SHTN1: variants seen among roughly 807,000 people sequenced by gnomAD.
SHTN1 encodes shootin 1, also known as shootin-1.
Under a neutral mutation model 83.1 loss-of-function variants are expected in SHTN1, and 42 were observed. The observed-to-expected ratio is 0.51, with a 90% CI of 0.39 to 0.65. SHTN1 has a LOEUF of 0.65. Among genes scored for constraint, SHTN1 ranks in the 30% least tolerant of loss-of-function variants. The pLI, the probability that SHTN1 is intolerant of heterozygous loss-of-function variation, is 0.00. For missense variants in SHTN1, 622 were observed against 737.8 expected (o/e 0.84, Z 1.82); for synonymous variants, 224 against 247.7 (o/e 0.90, Z 0.90).
chr10:117,092,205 C>G (rs1467856423), intron 1 of SHTN1, among the ~76,000 whole-genome samples: 2 of 152,194 alleles, frequency 1.3e-5, no homozygotes, highest in African/African-American at 2.4e-5. Context: ...GAGATGTTTA[C>G]TGAACTGATT....
intron 2 of SHTN1, among the ~76,000 whole-genome samples, chr10:117,028,509 C>CAG (rs1852361122): frequency 6.6e-6 from 1 of 152,200 alleles, no homozygotes. Context: ...CCTCCCATCA[C>CAG]AGGCACAGAG....
chr10:116,988,758 T>C (rs1851312929), intron 1 of SHTN1, among the ~76,000 whole-genome samples: 1 of 151,966 alleles, frequency 6.6e-6, no homozygotes, highest in East Asian at 1.9e-4. Context: ...CCAAGGCTGG[T>C]TGTACTCGTG....
chr10:116,959,695 T>C (rs2133439785), intron 4 of SHTN1, among the ~76,000 whole-genome samples: 1 of 152,322 alleles, frequency 6.6e-6, no homozygotes, highest in South Asian at 2.1e-4. Context: ...CTCGCTTTGC[T>C]TTCATAAATA....
intron 1 of SHTN1, among the ~76,000 whole-genome samples, chr10:117,078,595 G>T (rs1209483054): frequency 6.6e-6 from 1 of 152,144 alleles, no homozygotes; most frequent in Non-Finnish European, 1.5e-5. Flanking sequence ...TTGATCCATT[G>T]TGTCTTGTCT....
chr10:116,987,567 A>G (rs1851260830), intron 1 of SHTN1, among the ~76,000 whole-genome samples: 1 of 152,114 alleles, frequency 6.6e-6, no homozygotes, highest in South Asian at 2.1e-4. Flanking sequence ...GGCTACATAC[A>G]TATGATTCCA....
At chr10:117,070,711 G>A (rs762023112) in intron 1 of SHTN1, among the ~76,000 whole-genome samples, 20 of 150,794 alleles carry the variant, frequency 1.3e-4, no homozygotes, top group Admixed American at 2.6e-4. Flanking sequence ...GCGGCACCCT[G>A]AGTGGATGCA....
chr10:117,022,107 T>C (rs1005067488), intron 2 of SHTN1, among the ~76,000 whole-genome samples: 2 of 152,156 alleles, frequency 1.3e-5, no homozygotes, highest in African/African-American at 2.4e-5. Flanking sequence ...CTTCTAGATC[T>C]TGGACTCCTG....
At chr10:116,977,341 CT>C (rs1170311992) in intron 2 of SHTN1, among the ~76,000 whole-genome samples, 1 of 152,076 alleles carries the variant, frequency 6.6e-6, no homozygotes, top group African/African-American at 2.4e-5. Context: ...AAGAGTGCTC[CT>C]GAATTAACCC....
intron 3 of SHTN1, 170 bp from the exon 4 acceptor site, chr10:116,960,400 T>C: frequency 2.0e-6 from 1 of 490,108 alleles, no homozygotes; most frequent in Non-Finnish European, 3.6e-6. Flanking sequence ...TCTGAGCTAA[T>C]ATTTGAATGT....
At chr10:117,065,785 G>A (rs185616492) in intron 1 of SHTN1, among the ~76,000 whole-genome samples, 56 of 12,162 alleles carry the variant, frequency 4.6e-3, no homozygotes, top group East Asian at 0.018. Context: ...AGAAAGAAAG[G>A]AAGGAAGGAA....
At position 116,881,839 on chromosome 10, in the gene SHTN1, C is replaced by A; in HGVS notation, c.*4505G>T. The A allele has an allele frequency of 2.0e-6, 1 of 509,134 alleles. No homozygotes were observed. Among genetic ancestry groups the A allele is most frequent in the Non-Finnish European group, 3.1e-6 (1 of 317,666 alleles). The allele number at this position is 509,134 out of a possible 1,614,324, so 31.5% of individuals were successfully genotyped here. A position where few individuals can be genotyped will look rare whatever the true frequency, so the allele number is the denominator to read the frequency against. On this transcript the variant is annotated 3_prime_UTR_variant, in exon 17 of 17. Transcript: ENST00000355371. The stretch of plus-strand genomic sequence containing the variant: ...TAAATTACATATATGATGTTTTTGC[C>A]TGAAATTCTGTGAACTTCGTTTTGC...
At chr10:117,119,298 A>G (rs1009597728) in intron 1 of SHTN1, among the ~76,000 whole-genome samples, 1 of 152,252 alleles carries the variant, frequency 6.6e-6, no homozygotes, top group African/African-American at 2.4e-5. Flanking sequence ...TGCCCATCTG[A>G]CAAGAGATCA....
intron 2 of SHTN1, among the ~76,000 whole-genome samples, chr10:116,973,521 A>C (rs2133468790): frequency 6.6e-6 from 1 of 152,338 alleles, no homozygotes; most frequent in South Asian, 2.1e-4. Flanking sequence ...TACAGGGCCC[A>C]CACAGCCCAG....
At chr10:117,073,546 G>A (rs1290078438) in intron 1 of SHTN1, among the ~76,000 whole-genome samples, 2 of 152,162 alleles carry the variant, frequency 1.3e-5, no homozygotes, top group East Asian at 1.9e-4. Context: ...GGAGGAGAAC[G>A]TTTGCAGGTG....
chr10:116,968,600 A>G (rs190036690), intron 3 of SHTN1, 52 bp downstream of exon 3: 2 of 1,314,930 alleles, frequency 1.5e-6, no homozygotes, highest in East Asian at 4.6e-5. Context: ...TACTCACATA[A>G]TCCCCAATAG....
At chr10:116,930,913 C>T (rs1848937016) in intron 9 of SHTN1, among the ~76,000 whole-genome samples, 1 of 152,192 alleles carries the variant, frequency 6.6e-6, no homozygotes, top group East Asian at 1.9e-4. Flanking sequence ...TTTTTAGTAA[C>T]AGCTATTCTG....
intron 1 of SHTN1, among the ~76,000 whole-genome samples, chr10:117,077,399 T>G (rs1853175527): frequency 6.6e-6 from 1 of 152,196 alleles, no homozygotes; most frequent in African/African-American, 2.4e-5. Context: ...ACTGGAAGTT[T>G]GCCCACAGAA....
Position 117,098,568 on chromosome 10 carries a change from AAC to A in SHTN1, c.-189+27737_-189+27738del, listed in dbSNP as rs529156869. Among the ~76,000 whole-genome samples the A allele has an allele frequency of 4.6e-5, 7 of 152,206 alleles. No homozygotes were observed. The South Asian group carries it at 1.5e-3, about 32-fold the overall frequency. On this transcript the variant is annotated intron_variant, in intron 1 of 17. Transcript: ENST00000392901. Reference sequence around the variant, plus strand: ...TCAACATTTTTCCTACAAGCCACTTAACGCTTCCCACTGCATGTTTTCAAACT... The same window carrying A: ...TCAACATTTTTCCTACAAGCCACTTAGCTTCCCACTGCATGTTTTCAAACT...
At position 116,979,298 on chromosome 10, in the gene SHTN1, T is replaced by C. The variant is rs556454860; in HGVS notation, c.69A>G (p.Glu23=). 53 of 1,613,818 alleles carry C rather than the reference T, an allele frequency of 3.3e-5. No individual in the cohort carries two copies. The South Asian group carries it at 4.9e-4, about 15-fold the overall frequency. ...ITSLKEQAIG[E]YEDLRAENQK... The stretch of plus-strand genomic sequence containing the variant: ...GGTTCTCTGCTCTAAGGTCTTCATA[T>C]TCGCCTATTGCTAAAAGAAAAAAGG... Residue 23 remains glutamate, a synonymous_variant, in exon 2 of 17, where the codon GAA becomes GAG. Transcript: ENST00000355371.
Sources: allele counts gnomAD v4.1 joint callset (sites outside exome capture counted in the v4.1 genomes callset), GRCh38; gene constraint gnomAD v4.1.1; transcripts MANE v1.5; gene names NCBI Gene and HGNC (gene_info 2026-07-23, HGNC 2026-07-21).